The following PTPN6 variants were observed in gnomAD, a reference collection of about 807,000 sequenced individuals.
The protein encoded by PTPN6 is protein tyrosine phosphatase non-receptor type 6, also known as tyrosine-protein phosphatase non-receptor type 6.
In PTPN6, 18 loss-of-function variants were observed where a neutral mutation model predicts 81.5. The observed-to-expected ratio is 0.22, with a 90% confidence interval of 0.15 to 0.33. PTPN6 has a LOEUF of 0.33. Ranked by LOEUF, PTPN6 falls within the 10% of genes least tolerant of loss-of-function variation. The pLI is 1.00. For missense variants in PTPN6, 500 were observed against 794.2 expected (o/e 0.63, Z 4.45); for synonymous variants, 301 against 310.9 (o/e 0.97, Z 0.33).
chr12:6,955,862 C>T lies in PTPN6; in HGVS notation c.844+106C>T. On this transcript the variant is annotated intron_variant, in intron 7 of 15. Transcript: ENST00000318974. The surrounding 1 kb of genome is among the most constrained non-coding windows in gnomAD (Gnocchi z 7.2). ...TCCACGCCAGGAGGGGCCATCTCCC[C>T]ACACCCCCCACAGAGCCTCCCCCTT... The T allele has an allele frequency of 1.9e-6, 2 of 1,067,612 alleles. No homozygotes were observed. The highest frequency in any genetic ancestry group is 2.9e-6 in the Non-Finnish European group (2 of 700,168). 66.1% of individuals were successfully genotyped at this position (1,067,612 alleles called of 1,614,324 possible).
In PTPN6 at chr12:6,961,306, G is replaced by A; in HGVS notation, c.*206G>A. 3.3e-6 allele frequency: 1 copy of A among 305,190 alleles called. No individual in the cohort carries two copies. The highest frequency in any genetic ancestry group is 6.5e-6 in the Non-Finnish European group (1 of 152,932). The allele number at this position is 305,190 out of a possible 1,614,324, so 18.9% of individuals were successfully genotyped here. ...TTCTCCTCTTGTAAATAAAGCCCTG[G>A]GATCACTGTGTGTCGCCTCTGAGCC... On this transcript the variant is annotated 3_prime_UTR_variant, in exon 16 of 16. Coordinates refer to ENST00000318974, the MANE Select transcript of PTPN6 (RefSeq NM_002831.6).
chr12:6,949,760 C>T (rs1945892892), upstream of PTPN6, among the ~76,000 whole-genome samples: 1 of 151,520 alleles, frequency 6.6e-6, no homozygotes, highest in Admixed American at 6.6e-5. Context: ...GCCTTGTTTG[C>T]GCTTCCAGAC....
Position 6,960,525 on chromosome 12 carries a change from C to T in PTPN6, c.1673+90C>T. On this transcript the variant is annotated intron_variant, in intron 14 of 15. Coordinates refer to ENST00000318974, the MANE Select transcript of PTPN6 (RefSeq NM_002831.6). This position sits in a 1 kb window ranked among gnomAD's most constrained non-coding sequence, Gnocchi z 6.1. Reference sequence around the variant, plus strand: ...TTTCTGGAGAGGACAAGTGTTGCAGCTGGGGGGACCTGGCTTCAAGTTCAG... The same window carrying T: ...TTTCTGGAGAGGACAAGTGTTGCAGTTGGGGGGACCTGGCTTCAAGTTCAG... The T allele has an allele frequency of 1.4e-6, 2 of 1,460,762 alleles. No individual in the cohort carries two copies. The highest frequency in any genetic ancestry group is 1.2e-5 in the South Asian group (1 of 83,662). 90.5% of individuals were successfully genotyped at this position (1,460,762 alleles called of 1,614,324 possible).
At chr12:6,951,165 C>A, upstream of PTPN6, 1 of 1,240,224 alleles carries the variant, frequency 8.1e-7, no homozygotes, top group Non-Finnish European at 1.1e-6. The surrounding 1 kb of genome is among the most constrained non-coding windows in gnomAD (Gnocchi z 7.2). Flanking sequence ...TGTGTTGTCA[C>A]ATATGTGCAA....
In PTPN6 at chr12:6,954,706, C is replaced by T; in HGVS notation, c.327-99C>T. ...AGCATGTAGCGCAGTGCCTGGCACA[C>T]AGTAGGTGCTTGATTTCCGGCCCCT... On this transcript the variant is annotated intron_variant, in intron 3 of 15. Transcript: ENST00000318974. The surrounding 1 kb of genome is among the most constrained non-coding windows in gnomAD (Gnocchi z 5.4). 1 of 1,233,938 alleles carries T rather than the reference C, an allele frequency of 8.1e-7. No homozygotes were observed. The highest frequency in any genetic ancestry group is 1.5e-5 in the African/African-American group (1 of 66,968). 76.4% of individuals were successfully genotyped at this position (1,233,938 alleles called of 1,614,324 possible). A position where few individuals can be genotyped will look rare whatever the true frequency, so the allele number is the denominator to read the frequency against.
Position 6,960,811 on chromosome 12 carries a change from A to G in PTPN6, c.1679A>G (p.Lys560Arg), listed in dbSNP as rs781928397. The part of the protein sequence containing the change: ...AKASRTSSKH[K>R]EDVYENLHTK... Reference sequence around the variant, plus strand: ...CCCCCTGCACCCGGCTGCAGACACAAGGAGGATGTGTATGAGAACCTGCAC... The same window carrying G: ...CCCCCTGCACCCGGCTGCAGACACAGGGAGGATGTGTATGAGAACCTGCAC... The change falls in exon 15 of 16, where the codon AAG becomes AGG. Residue 560 changes from lysine to arginine, a missense_variant. Physicochemically the swap from Lys to Arg is conservative, Grantham distance 26. Transcript: ENST00000318974. The surrounding 1 kb of genome is among the most constrained non-coding windows in gnomAD (Gnocchi z 6.1). 1.3e-5 allele frequency: 20 copies of G among 1,563,714 alleles called. No individual in the cohort carries two copies. The highest frequency in any genetic ancestry group is 1.6e-5 in the Non-Finnish European group (19 of 1,153,604).
chr12:6,960,716 G>T lies in PTPN6; in HGVS notation c.1674-90G>T. 1 of 1,551,524 alleles carries T rather than the reference G, an allele frequency of 6.4e-7. No homozygotes were observed. Among genetic ancestry groups the T allele is most frequent in the Non-Finnish European group, 8.7e-7 (1 of 1,146,990 alleles). ...GCTGCGTCACCTGTGAGACGGGGTG[G>T]CCAGAGGGGACTGCCAGTGCCGGGT... is the stretch of plus-strand genomic sequence containing the variant. On this transcript the variant is annotated intron_variant, in intron 14 of 15. Coordinates refer to ENST00000318974, the MANE Select transcript of PTPN6 (RefSeq NM_002831.6). This position sits in a 1 kb window ranked among gnomAD's most constrained non-coding sequence, Gnocchi z 6.1.
In PTPN6 at chr12:6,957,656, CA is replaced by C; in HGVS notation, c.1080del (p.Lys360AsnfsTer20). On this transcript the variant is annotated frameshift_variant, in exon 10 of 16. Transcript: ENST00000318974. LOFTEE classifies it high-confidence loss of function. The surrounding 1 kb of genome is among the most constrained non-coding windows in gnomAD (Gnocchi z 6.5). Reference sequence around the variant, plus strand: ...CCCACCCGACCCTCCCTTTCCAGAACAAATGCGTCCCATACTGGCCCGAGGT... The same window carrying C: ...CCCACCCGACCCTCCCTTTCCAGAACAATGCGTCCCATACTGGCCCGAGGT... ...TTREVEKGRN[K>X]CVPYWPEVGM... The C allele has an allele frequency of 1.1e-6, 1 of 920,362 alleles. No homozygotes were observed. Among genetic ancestry groups the C allele is most frequent in the Non-Finnish European group, 1.6e-6 (1 of 608,178 alleles). The allele number at this position is 920,362 out of a possible 1,614,324, so 57.0% of individuals were successfully genotyped here. A position where few individuals can be genotyped will look rare whatever the true frequency, so the allele number is the denominator to read the frequency against.
Position 6,957,432 on chromosome 12 carries a change from G to A in PTPN6, c.1075-222G>A, listed in dbSNP as rs1229148759. On this transcript the variant is annotated intron_variant, in intron 9 of 15. Coordinates refer to ENST00000318974, the MANE Select transcript of PTPN6 (RefSeq NM_002831.6). This position sits in a 1 kb window ranked among gnomAD's most constrained non-coding sequence, Gnocchi z 6.5. ...AATGCCTGCCCTGGCAACGTTTGTTGAATGACAAACGGATGTACCGGTGAA... is the reference window on the plus strand; with the variant it reads ...AATGCCTGCCCTGGCAACGTTTGTTAAATGACAAACGGATGTACCGGTGAA... Among the ~76,000 whole-genome samples, 1 of 152,242 alleles carries A rather than the reference G, an allele frequency of 6.6e-6. No homozygotes were observed. Among genetic ancestry groups the A allele is most frequent in the Non-Finnish European group, 1.5e-5 (1 of 68,042 alleles).
chr12:6,951,628 A>G lies in PTPN6; in HGVS notation c.28A>G (p.Ser10Gly). 6.2e-7 allele frequency: 1 copy of G among 1,613,534 alleles called. No individual in the cohort carries two copies. Among genetic ancestry groups the G allele is most frequent in the Non-Finnish European group, 8.5e-7 (1 of 1,179,884 alleles). ...GCCCAGGTGGTTTCACCGAGACCTC[A>G]GTGGGCTGGATGCAGAGACCCTGCT... is the stretch of plus-strand genomic sequence containing the variant. MVRWFHRDLSGLDAETLLKG... is the reference protein window; with the variant it reads MVRWFHRDLGGLDAETLLKG... Residue 10 changes from serine to glycine, a missense_variant, in exon 2 of 16, where the codon AGT becomes GGT. By Grantham distance (56) the Ser-to-Gly change is moderately conservative. Coordinates refer to ENST00000318974, the MANE Select transcript of PTPN6 (RefSeq NM_002831.6). The surrounding 1 kb of genome is among the most constrained non-coding windows in gnomAD (Gnocchi z 7.2).
At chr12:6,958,339 G>T (rs1946069621) in intron 11 of PTPN6, among the ~76,000 whole-genome samples, 1 of 152,150 alleles carries the variant, frequency 6.6e-6, no homozygotes. Context: ...AAATACAGAG[G>T]AGGAGCCCGG....
chr12:6,955,099 C>T lies in PTPN6; in HGVS notation c.517-52C>T. 6.2e-7 allele frequency: 1 copy of T among 1,608,786 alleles called. No homozygotes were observed. Among genetic ancestry groups the T allele is most frequent in the Non-Finnish European group, 8.5e-7 (1 of 1,175,238 alleles). On this transcript the variant is annotated intron_variant, in intron 4 of 15. Coordinates refer to ENST00000318974, the MANE Select transcript of PTPN6 (RefSeq NM_002831.6). This position sits in a 1 kb window ranked among gnomAD's most constrained non-coding sequence, Gnocchi z 7.2. ...CTGGGCTTGAATTCAAGGCTGGGGACCCAGGGAGGGAGACTCAAGTCCTGT... is the reference window on the plus strand; with the variant it reads ...CTGGGCTTGAATTCAAGGCTGGGGATCCAGGGAGGGAGACTCAAGTCCTGT...
rs1472515054 is a variant in PTPN6 at position 6,954,166 on chromosome 12, C to A, written c.327-639C>A. Among the ~76,000 whole-genome samples the A allele has an allele frequency of 6.6e-6, 1 of 152,122 alleles. No individual in the cohort carries two copies. The highest frequency in any genetic ancestry group is 2.4e-5 in the African/African-American group (1 of 41,412). ...TGACATCATCCAGGGCACCCCAGAA[C>A]CCCCTACACCACTCTTTCCCCAGTG... is the stretch of plus-strand genomic sequence containing the variant. On this transcript the variant is annotated intron_variant, in intron 3 of 15. Transcript: ENST00000318974. The surrounding 1 kb of genome is among the most constrained non-coding windows in gnomAD (Gnocchi z 5.4).
At chr12:6,947,487 T>C (rs1430554328), upstream of PTPN6, among the ~76,000 whole-genome samples, 4 of 151,906 alleles carry the variant, frequency 2.6e-5, no homozygotes, top group African/African-American at 4.8e-5. Context: ...CTGGCCAATA[T>C]AGTGAGACCC....
In PTPN6 at chr12:6,954,853, G is replaced by A. The variant is rs1555148317; in HGVS notation, c.375G>A (p.Gln125=). The A allele has an allele frequency of 6.2e-7, 1 of 1,614,082 alleles. No homozygotes were observed. The highest frequency in any genetic ancestry group is 1.3e-5 in the African/African-American group (1 of 74,962). ...GCGGGCAGGCAGAGACGCTGCTGCA[G>A]GCCAAGGGCGAGCCCTGGACGTTTC... ...MSGGQAETLL[Q]AKGEPWTFLV... is the part of the protein sequence containing the mutation. The change falls in exon 4 of 16, where the codon CAG becomes CAA. Residue 125 remains glutamine (Q), a synonymous_variant. Transcript: ENST00000318974. The surrounding 1 kb of genome is among the most constrained non-coding windows in gnomAD (Gnocchi z 5.4).
In PTPN6 at chr12:6,961,131, G is replaced by A; in HGVS notation, c.*31G>A. On this transcript the variant is annotated 3_prime_UTR_variant, in exon 16 of 16. Transcript: ENST00000318974. ...TCACTCCCTTCTCTTGGCAGCCTCAGCCCTGACCCTGTGGAAGCATTTCGC... is the reference window on the plus strand; with the variant it reads ...TCACTCCCTTCTCTTGGCAGCCTCAACCCTGACCCTGTGGAAGCATTTCGC... 1 of 935,570 alleles carries A rather than the reference G, an allele frequency of 1.1e-6. No homozygotes were observed. The highest frequency in any genetic ancestry group is 1.6e-5 in the South Asian group (1 of 60,826). The allele number at this position is 935,570 out of a possible 1,614,324, so 58.0% of individuals were successfully genotyped here. A position where few individuals can be genotyped will look rare whatever the true frequency, so the allele number is the denominator to read the frequency against.
chr12:6,951,281 G>C (rs1555147658), upstream of PTPN6: 6 of 1,449,734 alleles, frequency 4.1e-6, no homozygotes, highest in Non-Finnish European at 5.4e-6. This position sits in a 1 kb window ranked among gnomAD's most constrained non-coding sequence, Gnocchi z 7.2. Context: ...GCTCTAAAAC[G>C]AGAAGTACAA....
Position 6,959,683 on chromosome 12 carries a change from A to G in PTPN6, c.1362-244A>G. On this transcript the variant is annotated intron_variant, in intron 11 of 15. Coordinates refer to ENST00000318974, the MANE Select transcript of PTPN6 (RefSeq NM_002831.6). This position sits in a 1 kb window ranked among gnomAD's most constrained non-coding sequence, Gnocchi z 6.6. ...AGTGAGGAGTCGGCGCGAGGAGTGG[A>G]GGAGGGAAGGATGGTGGCAGCTGGG... The G allele has an allele frequency of 1.7e-6, 1 of 594,108 alleles. No individual in the cohort carries two copies. Among genetic ancestry groups the G allele is most frequent in the Non-Finnish European group, 3.0e-6 (1 of 332,674 alleles). 36.8% of individuals were successfully genotyped at this position (594,108 alleles called of 1,614,324 possible).
At chr12:6,946,902 G>A (rs1017076976), upstream of PTPN6, among the ~76,000 whole-genome samples, 2 of 152,090 alleles carry the variant, frequency 1.3e-5, no homozygotes, top group African/African-American at 2.4e-5. Context: ...AAGGTGTGAG[G>A]ACCCCCGGCT....
Sources: gnomAD v4.1 joint callset for allele counts (sites outside exome capture counted in the v4.1 genomes callset) on GRCh38, gnomAD v4.1.1 for gene constraint, Gnocchi (gnomAD v3.1) non-coding constraint, MANE v1.5 for transcripts, NCBI Gene and HGNC (gene_info 2026-07-23, HGNC 2026-07-21) for gene names.